The following GRM7 variants were observed in gnomAD, a reference collection of about 807,000 sequenced individuals.
The protein encoded by GRM7 is metabotropic glutamate receptor 7.
Under a neutral mutation model 84.5 loss-of-function variants are expected in GRM7, and 35 were observed. That is an observed-to-expected ratio of 0.41 (90% CI 0.32 to 0.55). GRM7 has a LOEUF of 0.55. Among genes scored for constraint, GRM7 ranks in the 20% least tolerant of loss-of-function variants. The pLI is 0.19. For missense variants in GRM7, 1,003 were observed against 1,194.6 expected (o/e 0.84, Z 2.36); for synonymous variants, 487 against 455.1 (o/e 1.07, Z -0.89).
chr3:7,537,515 A>G (rs1458641161), intron 7 of GRM7, among the ~76,000 whole-genome samples: 2 of 152,208 alleles, frequency 1.3e-5, no homozygotes, highest in Admixed American at 1.3e-4. Flanking sequence ...CCACTAGTCA[A>G]TCAATAAGGC....
At chr3:7,690,728 T>A (rs1247499457) in intron 9 of GRM7, among the ~76,000 whole-genome samples, 1 of 152,206 alleles carries the variant, frequency 6.6e-6, no homozygotes, top group Non-Finnish European at 1.5e-5. Flanking sequence ...TGGACATGGA[T>A]CCTAAGGACT....
intron 5 of GRM7, among the ~76,000 whole-genome samples, chr3:7,442,958 T>TC (rs1423915693): frequency 6.6e-6 from 1 of 151,756 alleles, no homozygotes; most frequent in Non-Finnish European, 1.5e-5. Flanking sequence ...CTCTCTTGCC[T>TC]CCCCCCCATA....
chr3:7,207,316 C>A (rs989762641), intron 2 of GRM7, among the ~76,000 whole-genome samples: 4 of 152,178 alleles, frequency 2.6e-5, no homozygotes, highest in Non-Finnish European at 5.9e-5. Context: ...CAGGGCAGGG[C>A]TTCTGCATCA....
intron 8 of GRM7, among the ~76,000 whole-genome samples, chr3:7,647,603 G>T (rs936666673): frequency 6.6e-6 from 1 of 152,072 alleles, no homozygotes; most frequent in Non-Finnish European, 1.5e-5. Flanking sequence ...TTTAAAGAAA[G>T]AAAAAAATCA....
At chr3:7,029,120 A>G (rs1247731541) in intron 1 of GRM7, among the ~76,000 whole-genome samples, 2 of 152,182 alleles carry the variant, frequency 1.3e-5, no homozygotes, top group Non-Finnish European at 2.9e-5. Flanking sequence ...CCTGGCTAAC[A>G]TGGTGAAACC....
intron 1 of GRM7, among the ~76,000 whole-genome samples, chr3:6,937,254 G>T (rs1247241109): frequency 6.6e-6 from 1 of 152,120 alleles, no homozygotes; most frequent in Non-Finnish European, 1.5e-5. Flanking sequence ...TTACAATTGG[G>T]AATTCCACCT....
rs1314182707 is a variant in GRM7, at chr3:6,861,931, C to T, written c.519+24C>T. On this transcript the variant is annotated intron_variant, in intron 1 of 9. Transcript: ENST00000357716. This position sits in a 1 kb window ranked among gnomAD's most constrained non-coding sequence, Gnocchi z 6.4. The stretch of plus-strand genomic sequence containing the variant: ...AGGTAGGGATGCGCTCCCTCCGGGG[C>T]GGAGCACACAGTGGCTACCTGCGCC... The T allele has an allele frequency of 1.3e-6, 2 of 1,583,652 alleles. No homozygotes were observed. Among genetic ancestry groups the T allele is most frequent in the South Asian group, 1.1e-5 (1 of 87,546 alleles).
At chr3:7,006,165 T>C (rs1695178087) in intron 1 of GRM7, among the ~76,000 whole-genome samples, 1 of 152,172 alleles carries the variant, frequency 6.6e-6, no homozygotes, top group Non-Finnish European at 1.5e-5. Context: ...ATCTATATTT[T>C]GAAAGAGTCC....
chr3:7,389,185 T>C (rs1694896587), intron 4 of GRM7, among the ~76,000 whole-genome samples: 1 of 152,176 alleles, frequency 6.6e-6, no homozygotes, highest in Non-Finnish European at 1.5e-5. Context: ...TTGTGTGGTT[T>C]TGAGAGTTCC....
At chr3:6,906,672 T>C (rs570540477) in intron 1 of GRM7, among the ~76,000 whole-genome samples, 2 of 152,256 alleles carry the variant, frequency 1.3e-5, no homozygotes, top group East Asian at 1.9e-4. Context: ...CAGCTGCCTC[T>C]TGAACCCATA....
At chr3:7,054,445 G>A (rs899318461) in intron 1 of GRM7, among the ~76,000 whole-genome samples, 1 of 150,812 alleles carries the variant, frequency 6.6e-6, no homozygotes, top group Non-Finnish European at 1.5e-5. Flanking sequence ...ATTTTTTTGT[G>A]TGTGTTCTTG....
intron 2 of GRM7, among the ~76,000 whole-genome samples, chr3:7,167,162 A>C (rs934154327): frequency 6.6e-6 from 1 of 152,210 alleles, no homozygotes; most frequent in Non-Finnish European, 1.5e-5. Context: ...TCAGCACTCT[A>C]AGCAAAAATA....
At chr3:7,291,331 C>T (rs1699612542) in intron 2 of GRM7, among the ~76,000 whole-genome samples, 2 of 152,086 alleles carry the variant, frequency 1.3e-5, no homozygotes, top group Non-Finnish European at 2.9e-5. Context: ...TTATTCTGCT[C>T]AGTGATGCAT....
At chr3:6,931,015 G>T (rs192909183) in intron 1 of GRM7, among the ~76,000 whole-genome samples, 5 of 152,004 alleles carry the variant, frequency 3.3e-5, no homozygotes, top group Non-Finnish European at 7.4e-5. Flanking sequence ...ACTCATAATC[G>T]CTTCTATCAA....
intron 2 of GRM7, among the ~76,000 whole-genome samples, chr3:7,291,401 A>G (rs1388951303): frequency 2.6e-5 from 4 of 151,900 alleles, no homozygotes; most frequent in Non-Finnish European, 5.9e-5. Flanking sequence ...GGAGTAGGTC[A>G]TCCTTTTGCT....
intron 2 of GRM7, among the ~76,000 whole-genome samples, chr3:7,217,845 A>G (rs1575044610): frequency 1.8e-5 from 2 of 109,670 alleles, no homozygotes; most frequent in African/African-American, 3.9e-5. Context: ...ATGTGTGTGT[A>G]TATATTATGT....
intron 1 of GRM7, among the ~76,000 whole-genome samples, chr3:6,883,761 T>C (rs1344713056): frequency 6.6e-6 from 1 of 152,192 alleles, no homozygotes; most frequent in African/African-American, 2.4e-5. Flanking sequence ...ATAGCCTCTG[T>C]CTCATCCAAA....
chr3:7,683,449 C>T (rs544078680), intron 9 of GRM7, among the ~76,000 whole-genome samples: 20 of 152,210 alleles, frequency 1.3e-4, no homozygotes, highest in African/African-American at 4.8e-4. Context: ...TGCTTTAGCT[C>T]TTTGGTTATT....
At chr3:7,330,835 G>A (rs1163959953) in intron 4 of GRM7, among the ~76,000 whole-genome samples, 2 of 152,116 alleles carry the variant, frequency 1.3e-5, no homozygotes, top group Non-Finnish European at 2.9e-5. Context: ...CACCATGTTT[G>A]TTCCTACTTT....
Sources: allele counts gnomAD v4.1 joint callset (sites outside exome capture counted in the v4.1 genomes callset), GRCh38; gene constraint gnomAD v4.1.1; non-coding constraint Gnocchi (gnomAD v3.1); transcripts MANE v1.5; gene names NCBI Gene and HGNC (gene_info 2026-07-23, HGNC 2026-07-21).